SYN3: variants seen among roughly 807,000 people sequenced by gnomAD.
The protein encoded by SYN3 is synapsin-3.
SYN3 carries 35 observed loss-of-function variants against 65.8 expected under a neutral mutation model. The ratio of observed to expected loss-of-function variants is 0.53; its 90% CI spans 0.41 to 0.70. The LOEUF is 0.70. SYN3 is among the 30% of genes least tolerant of loss of function. The probability of loss-of-function intolerance (pLI) is 0.00; values close to 1 mark genes in which losing one functional copy is unlikely to be tolerated. For missense variants in SYN3, 680 were observed against 749.0 expected (o/e 0.91, Z 1.08); for synonymous variants, 270 against 292.9 (o/e 0.92, Z 0.80).
At chr22:32,822,895 G>A (rs1398525919) in intron 6 of SYN3, among the ~76,000 whole-genome samples, 2 of 149,560 alleles carry the variant, frequency 1.3e-5, no homozygotes, top group Non-Finnish European at 3.0e-5. Flanking sequence ...AGTAACAGAA[G>A]CCAATTTGTT....
chr22:32,520,515 G>T (rs1300935629), intron 12 of SYN3, among the ~76,000 whole-genome samples: 5 of 152,170 alleles, frequency 3.3e-5, no homozygotes, highest in Admixed American at 3.3e-4. Context: ...GACACGCCGA[G>T]ATTCAAACCT....
intron 3 of SYN3, among the ~76,000 whole-genome samples, chr22:32,935,245 C>T (rs1032154307): frequency 6.6e-6 from 1 of 151,928 alleles, no homozygotes; most frequent in African/African-American, 2.4e-5. Flanking sequence ...CAAAAACATG[C>T]GCATAGAAAT....
chr22:32,518,045 GAGATGC>G lies in SYN3; in HGVS notation c.1602_1607del (p.His535_Leu536del). ...TTTCCAATTCCCAAAGCACTTACTTGAGATGCGGATGGGGTGGTGCTGGCTTCTTGG... is the reference window on the plus strand; with the variant it reads ...TTTCCAATTCCCAAAGCACTTACTTGGGATGGGGTGGTGCTGGCTTCTTGG... On this transcript the variant is annotated inframe_deletion, in exon 13 of 14. Coordinates refer to ENST00000358763, the MANE Select transcript of SYN3 (RefSeq NM_003490.4). 6.6e-7 allele frequency: 1 copy of G among 1,516,930 alleles called. No homozygotes were observed. The highest frequency in any genetic ancestry group is 8.8e-7 in the Non-Finnish European group (1 of 1,134,814). The allele number at this position is 1,516,930 out of a possible 1,614,324, so 94.0% of individuals were successfully genotyped here. A position where few individuals can be genotyped will look rare whatever the true frequency, so the allele number is the denominator to read the frequency against.
chr22:32,989,835 CAAAAAAAA>C (rs112695934), intron 2 of SYN3, among the ~76,000 whole-genome samples: 13 of 88,156 alleles, frequency 1.5e-4, no homozygotes, highest in South Asian at 4.6e-4. Context: ...ACTCCATCTT[CAAAAAAAA>C]AAAAAAAAAA....
chr22:32,992,178 G>A (rs920060938), intron 2 of SYN3, among the ~76,000 whole-genome samples: 4 of 152,246 alleles, frequency 2.6e-5, no homozygotes, highest in African/African-American at 9.6e-5. Context: ...CATGAGAAGT[G>A]ATAGAGAAGA....
At chr22:32,572,428 T>C (rs1399203900) in intron 7 of SYN3, among the ~76,000 whole-genome samples, 1 of 100,910 alleles carries the variant, frequency 9.9e-6, no homozygotes, top group African/African-American at 4.4e-5. Flanking sequence ...TCCTTCTTCC[T>C]TCCTTCCTTC....
chr22:32,883,360 C>T (rs1403966196), intron 4 of SYN3, among the ~76,000 whole-genome samples: 1 of 152,156 alleles, frequency 6.6e-6, no homozygotes, highest in Non-Finnish European at 1.5e-5. Context: ...AGTCGGATGC[C>T]CATCAAAAGA....
intron 6 of SYN3, among the ~76,000 whole-genome samples, chr22:32,807,671 C>T (rs1313810030): frequency 6.6e-6 from 1 of 150,606 alleles, no homozygotes; most frequent in African/African-American, 2.4e-5. Flanking sequence ...AGGAATACAG[C>T]CTGTATTTAA....
chr22:32,998,776 T>TAAAAAAAAAAAAAAAAA (rs34372968), intron 2 of SYN3, among the ~76,000 whole-genome samples: 5 of 82,010 alleles, frequency 6.1e-5, no homozygotes, highest in Admixed American at 1.4e-4. Context: ...ATAGAAATAG[T>TAAAAAAAAAAAAAAAAA]AAAAAAAAAA....
chr22:32,772,128 C>G (rs2045785793), intron 6 of SYN3, among the ~76,000 whole-genome samples: 1 of 152,152 alleles, frequency 6.6e-6, no homozygotes, highest in African/African-American at 2.4e-5. Flanking sequence ...TAGACCTTTT[C>G]TGCTAGAAAC....
At chr22:32,735,888 C>G (rs1355806823) in intron 6 of SYN3, among the ~76,000 whole-genome samples, 6 of 152,178 alleles carry the variant, frequency 3.9e-5, no homozygotes, top group Non-Finnish European at 8.8e-5. Context: ...AGCTGGCTGA[C>G]CCGAGGGCAG....
intron 3 of SYN3, among the ~76,000 whole-genome samples, chr22:32,936,337 G>C (rs2050775457): frequency 6.6e-6 from 1 of 152,224 alleles, no homozygotes; most frequent in African/African-American, 2.4e-5. Context: ...TTACTGCCTA[G>C]AGGCAGTTTC....
chr22:32,722,993 A>C (rs1456208857), intron 6 of SYN3, among the ~76,000 whole-genome samples: 1 of 152,212 alleles, frequency 6.6e-6, no homozygotes, highest in African/African-American at 2.4e-5. Context: ...GCAGATCAAC[A>C]ACATGGGTTC....
chr22:32,559,017 G>C (rs532903389), intron 7 of SYN3, among the ~76,000 whole-genome samples: 2 of 152,354 alleles, frequency 1.3e-5, no homozygotes, highest in East Asian at 3.9e-4. Flanking sequence ...TACCTCTAAC[G>C]AGTGCTTTCT....
chr22:32,878,331 T>G (rs2049034230), intron 4 of SYN3, among the ~76,000 whole-genome samples: 1 of 151,992 alleles, frequency 6.6e-6, no homozygotes, highest in Non-Finnish European at 1.5e-5. Flanking sequence ...CCACCAGAGC[T>G]GCTAAGTCTT....
intron 6 of SYN3, among the ~76,000 whole-genome samples, chr22:32,601,317 G>A (rs929472057): frequency 6.8e-6 from 1 of 147,286 alleles, no homozygotes; most frequent in Non-Finnish European, 1.5e-5. Flanking sequence ...TTGCTCTGTC[G>A]CCCAGGCTGG....
At chr22:32,944,372 T>TGAC (rs1601750961) in intron 3 of SYN3, among the ~76,000 whole-genome samples, 2 of 152,328 alleles carry the variant, frequency 1.3e-5, no homozygotes, top group East Asian at 3.9e-4. Context: ...CATCCCTGGT[T>TGAC]GCAAGGCTGG....
chr22:32,868,917 C>T, intron 5 of SYN3, 49 bp downstream of exon 5: 1 of 1,573,356 alleles, frequency 6.4e-7, no homozygotes, highest in Admixed American at 1.7e-5. Flanking sequence ...AGTGGGAGGC[C>T]ACCCACTGCC....
chr22:32,912,444 G>A (rs575356566), intron 4 of SYN3, among the ~76,000 whole-genome samples: 153 of 152,220 alleles, frequency 1.0e-3, no homozygotes, highest in Non-Finnish European at 1.8e-3. Context: ...GGCTGGGCAC[G>A]GTGGCTCACA....
Sources: gnomAD v4.1 joint callset for allele counts (sites outside exome capture counted in the v4.1 genomes callset) on GRCh38, gnomAD v4.1.1 for gene constraint, MANE v1.5 for transcripts, NCBI Gene and HGNC (gene_info 2026-07-23, HGNC 2026-07-21) for gene names.